Variants in XYLT1 observed in about 807,000 individuals in gnomAD.
XYLT1 encodes beta-D-xylosyltransferase 1.
A neutral mutation model predicts 91.3 loss-of-function variants in XYLT1; 36 were observed. That is an observed-to-expected ratio of 0.39 (90% CI 0.30 to 0.52). XYLT1 has a LOEUF of 0.52. Ranked by LOEUF, XYLT1 falls within the 20% of genes least tolerant of loss-of-function variation. The probability of loss-of-function intolerance (pLI) is 0.68; values close to 1 mark genes in which losing one functional copy is unlikely to be tolerated. For synonymous variants in XYLT1, 588 were observed against 532.0 expected (o/e 1.11, Z -1.45); for missense variants, 1,242 against 1,284.5 (o/e 0.97, Z 0.51).
Position 17,198,375 on chromosome 16 carries a change from T to A in XYLT1, c.1126A>T (p.Arg376Trp). 6.2e-7 allele frequency: 1 copy of A among 1,614,180 alleles called. No individual in the cohort carries two copies. The highest frequency in any genetic ancestry group is 8.5e-7 in the Non-Finnish European group (1 of 1,180,014). ...YLHRQVLQVS[R>W]QYSNVRVTPW... ...GTGACGCGGACATTGCTGTACTGCC[T>A]GGAGACCTGGAGCACTTGCCGATGC... The change falls in exon 5 of 12, where the codon AGG (arginine) becomes TGG (tryptophan). Residue 376 changes from arginine (R) to tryptophan (W), a missense_variant. Around this residue, in one of 3 missense-constraint regions of XYLT1, gnomAD observed 294 missense variants for 376.0 expected, o/e 0.78. Transcript: ENST00000261381.
At chr16:17,254,840 A>AT (rs1171451259) in intron 3 of XYLT1, among the ~76,000 whole-genome samples, 1 of 152,128 alleles carries the variant, frequency 6.6e-6, no homozygotes, top group East Asian at 1.9e-4. Context: ...GTTGTGCTCT[A>AT]TTTTTTGACT....
intron 1 of XYLT1, among the ~76,000 whole-genome samples, chr16:17,452,264 G>GTCCCTT (rs1413070921): frequency 6.7e-6 from 1 of 148,740 alleles, no homozygotes; most frequent in Non-Finnish European, 1.5e-5. Flanking sequence ...TTTTCTTAAT[G>GTCCCTT]TCCCTTTCCT....
At chr16:17,313,932 C>T (rs1231675401) in intron 2 of XYLT1, among the ~76,000 whole-genome samples, 2 of 152,152 alleles carry the variant, frequency 1.3e-5, no homozygotes, top group African/African-American at 4.8e-5. Flanking sequence ...TCCAGAGATT[C>T]AAAATGCAGT....
At chr16:17,341,986 G>C (rs2035069273) in intron 2 of XYLT1, among the ~76,000 whole-genome samples, 1 of 152,138 alleles carries the variant, frequency 6.6e-6, no homozygotes, top group Non-Finnish European at 1.5e-5. Flanking sequence ...ACCCATTACA[G>C]TACATTTTCA....
At chr16:17,133,420 G>A (rs1481479235) in intron 9 of XYLT1, among the ~76,000 whole-genome samples, 3 of 151,964 alleles carry the variant, frequency 2.0e-5, no homozygotes, top group Non-Finnish European at 4.4e-5. Flanking sequence ...AGGGCTTTCT[G>A]AGAAAAGATA....
intron 1 of XYLT1, among the ~76,000 whole-genome samples, chr16:17,453,379 T>G (rs531815030): frequency 2.3e-4 from 35 of 152,078 alleles, no homozygotes; most frequent in Non-Finnish European, 4.6e-4. Flanking sequence ...AGAAAGAATA[T>G]TAAGTCATTT....
intron 2 of XYLT1, among the ~76,000 whole-genome samples, chr16:17,322,581 A>T (rs2141831338): frequency 6.6e-6 from 1 of 152,232 alleles, no homozygotes; most frequent in Non-Finnish European, 1.5e-5. Context: ...CTGCCTCAGG[A>T]CCTCTGCACA....
chr16:17,144,290 A>T (rs1425513313), intron 6 of XYLT1, among the ~76,000 whole-genome samples: 1 of 152,252 alleles, frequency 6.6e-6, no homozygotes, highest in East Asian at 1.9e-4. Flanking sequence ...TCCAGCACCT[A>T]CCACAACCCC....
At chr16:17,441,249 T>C (rs983693633) in intron 1 of XYLT1, among the ~76,000 whole-genome samples, 1 of 152,016 alleles carries the variant, frequency 6.6e-6, no homozygotes, top group African/African-American at 2.4e-5. Context: ...ATTATCACTA[T>C]CATAATTTAA....
chr16:17,452,162 G>GA (rs1421211968), intron 1 of XYLT1, among the ~76,000 whole-genome samples: 4 of 152,242 alleles, frequency 2.6e-5, no homozygotes, highest in African/African-American at 9.6e-5. Context: ...TAAGAGGAAC[G>GA]AAATTAGCAC....
intron 1 of XYLT1, among the ~76,000 whole-genome samples, chr16:17,413,026 A>T (rs2036132063): frequency 6.6e-6 from 1 of 152,110 alleles, no homozygotes; most frequent in Admixed American, 6.5e-5. Context: ...CCTTTTCCTC[A>T]AGACTAGTCC....
intron 5 of XYLT1, among the ~76,000 whole-genome samples, chr16:17,185,293 T>A (rs2032159221): frequency 6.6e-6 from 1 of 152,266 alleles, no homozygotes; most frequent in Non-Finnish European, 1.5e-5. Flanking sequence ...ACAAAACTGT[T>A]AACGGCATAA....
At chr16:17,397,926 G>T (rs979418148) in intron 1 of XYLT1, among the ~76,000 whole-genome samples, 1 of 149,962 alleles carries the variant, frequency 6.7e-6, no homozygotes, top group Admixed American at 6.7e-5. Flanking sequence ...GGGTTCAAGC[G>T]ATTCTCCTGC....
At chr16:17,294,146 C>A (rs1223730616) in intron 2 of XYLT1, among the ~76,000 whole-genome samples, 1 of 152,118 alleles carries the variant, frequency 6.6e-6, no homozygotes, top group African/African-American at 2.4e-5. Flanking sequence ...CTGAAGGGGT[C>A]CCCTGCTCAG....
At chr16:17,465,281 T>C (rs79109059) in intron 1 of XYLT1, among the ~76,000 whole-genome samples, 3,620 of 151,502 alleles carry the variant, frequency 0.024, 74 homozygotes, top group African/African-American at 0.047. Context: ...GGTTTGGATC[T>C]CAGTTCTGCT....
At chr16:17,197,032 G>GATATATATATATATAT (rs60552078) in intron 5 of XYLT1, among the ~76,000 whole-genome samples, 1 of 89,896 alleles carries the variant, frequency 1.1e-5, no homozygotes, top group Non-Finnish European at 2.2e-5. Flanking sequence ...TATATATATA[G>GATATATATATATATAT]ATATATATAC....
chr16:17,233,282 AG>A (rs1271806961), intron 3 of XYLT1, among the ~76,000 whole-genome samples: 4 of 152,202 alleles, frequency 2.6e-5, no homozygotes, highest in African/African-American at 9.7e-5. Context: ...AGGTGGCACC[AG>A]AAGACAAGTT....
chr16:17,395,219 G>A (rs2035868711), intron 1 of XYLT1, among the ~76,000 whole-genome samples: 1 of 152,102 alleles, frequency 6.6e-6, no homozygotes, highest in Non-Finnish European at 1.5e-5. Flanking sequence ...AGAACAGCAT[G>A]GGGAAAACCT....
intron 9 of XYLT1, among the ~76,000 whole-genome samples, chr16:17,130,575 C>T (rs1313492077): frequency 1.3e-5 from 2 of 152,090 alleles, no homozygotes; most frequent in African/African-American, 4.8e-5. Flanking sequence ...CGGGTTCAAG[C>T]AGTTCTCCCT....
Sources: gnomAD v4.1 joint callset for allele counts (sites outside exome capture counted in the v4.1 genomes callset) on GRCh38, gnomAD v4.1.1 for gene constraint, gnomAD v4.1.1 regional missense constraint, MANE v1.5 for transcripts, NCBI Gene and HGNC (gene_info 2026-07-23, HGNC 2026-07-21) for gene names.